Variants in FSTL5 observed in about 807,000 individuals in gnomAD.
The protein encoded by FSTL5 is follistatin-related protein 5.
Under a neutral mutation model 89.1 loss-of-function variants are expected in FSTL5, and 62 were observed. The ratio of observed to expected loss-of-function variants is 0.70; its 90% CI spans 0.57 to 0.86. The LOEUF (loss-of-function observed/expected upper bound fraction) is 0.86, where lower values mean the gene tolerates loss of function less well. FSTL5 is among the 40% of genes least tolerant of loss of function. The pLI is 0.00. For synonymous variants in FSTL5, 383 were observed against 346.2 expected, an observed-to-expected ratio of 1.11 and a Z score of -1.18; for missense variants, 1,057 against 1,001.6, an observed-to-expected ratio of 1.06 and a Z score of -0.75.
intron 6 of FSTL5, among the ~76,000 whole-genome samples, chr4:161,692,008 A>G (rs1737958807): frequency 6.6e-6 from 1 of 152,112 alleles, no homozygotes; most frequent in South Asian, 2.1e-4. Context: ...TACCTACAAA[A>G]ATACATATAT....
At chr4:162,112,775 T>TCACACACTCACACACACACA (rs1731494627) in intron 1 of FSTL5, among the ~76,000 whole-genome samples, 1 of 139,328 alleles carries the variant, frequency 7.2e-6, no homozygotes, top group African/African-American at 2.6e-5. Flanking sequence ...ACCGACACAA[T>TCACACACTCACACACACACA]CACACACACA....
chr4:161,682,892 ATG>A (rs1553957981), intron 6 of FSTL5, among the ~76,000 whole-genome samples: 5 of 151,960 alleles, frequency 3.3e-5, no homozygotes, highest in Non-Finnish European at 7.4e-5. Context: ...GATTACAGGC[ATG>A]CACCACCACA....
In FSTL5 at chr4:161,589,429, C is replaced by T. The variant is rs146123795; in HGVS notation, c.895-1854G>A. 7.3e-3 allele frequency among the ~76,000 whole-genome samples: 1,117 copies of T among 152,022 alleles called. 13 individuals are homozygous for T. The highest frequency in any genetic ancestry group is 0.025 in the African/African-American group (1,045 of 41,462). ...AACTCCTGACCTCAGGTGATCCGGC[C>T]GCCTCAGCCTCCCCAAGTGCTGAGA... On this transcript the variant is annotated intron_variant, in intron 7 of 15. Transcript: ENST00000306100.
At chr4:161,428,517 C>G (rs1732241567) in intron 15 of FSTL5, among the ~76,000 whole-genome samples, 2 of 152,340 alleles carry the variant, frequency 1.3e-5, no homozygotes, top group South Asian at 4.1e-4. Flanking sequence ...CGTCTTGTAA[C>G]TTGGATACCA....
chr4:161,992,960 ATATGTGTG>A lies in FSTL5; in HGVS notation c.160+40657_160+40664del, dbSNP rs1736179289. Among the ~76,000 whole-genome samples, 16 of 102,312 alleles carry A rather than the reference ATATGTGTG, an allele frequency of 1.6e-4. 1 individual carries two copies. Among genetic ancestry groups the A allele is most frequent in the African/African-American group, 3.8e-4 (12 of 31,248 alleles). 67.1% of individuals were successfully genotyped at this position (102,312 alleles called of 152,430 possible). A position where few individuals can be genotyped will look rare whatever the true frequency, so the allele number is the denominator to read the frequency against. The stretch of plus-strand genomic sequence containing the variant: ...TATATATGTGTGTATATCTATATAT[ATATGTGTG>A]TATATATATATATGCAAGTAGTGAC... On this transcript the variant is annotated intron_variant, in intron 3 of 15. Transcript: ENST00000306100.
At chr4:161,779,769 A>G (rs1295276863) in intron 4 of FSTL5, among the ~76,000 whole-genome samples, 303 of 24,984 alleles carry the variant, frequency 0.012, 38 homozygotes, top group Middle Eastern at 0.071. Flanking sequence ...TTATATATAT[A>G]TATATGTATA....
At chr4:161,706,579 G>T (rs1431631898) in intron 6 of FSTL5, among the ~76,000 whole-genome samples, 1 of 151,996 alleles carries the variant, frequency 6.6e-6, no homozygotes, top group Non-Finnish European at 1.5e-5. Flanking sequence ...AGTGAAAGCT[G>T]TTACAGGATA....
rs546074310 is a variant in FSTL5 at position 161,457,904 on chromosome 4, C to G, written c.1716+1308G>C. Among the ~76,000 whole-genome samples the G allele has an allele frequency of 9.2e-5, 14 of 152,260 alleles. No homozygotes were observed. In the South Asian group the frequency reaches 2.7e-3, roughly 29 times the overall value. On this transcript the variant is annotated intron_variant, in intron 14 of 15. Coordinates refer to ENST00000306100, the MANE Select transcript of FSTL5 (RefSeq NM_020116.5). ...AAGAGATTGGCTCTATCACTCCATC[C>G]TCTTGAATCTGGGCAGGCAATGTGA...
chr4:162,155,087 G>A (rs761551664), intron 1 of FSTL5, among the ~76,000 whole-genome samples: 30 of 152,168 alleles, frequency 2.0e-4, no homozygotes, highest in African/African-American at 6.5e-4. Context: ...CTTGTGTGTA[G>A]GCAGGACCTA....
intron 7 of FSTL5, among the ~76,000 whole-genome samples, chr4:161,615,177 C>G (rs1347850731): frequency 6.6e-6 from 1 of 151,462 alleles, no homozygotes; most frequent in Non-Finnish European, 1.5e-5. Flanking sequence ...GCCTGTAGTC[C>G]CAGCTACTCG....
intron 6 of FSTL5, among the ~76,000 whole-genome samples, chr4:161,748,308 T>C (rs1410720864): frequency 3.3e-5 from 5 of 152,180 alleles, no homozygotes; most frequent in Non-Finnish European, 5.9e-5. Flanking sequence ...CATGTTAAAG[T>C]ATTTTGCACA....
chr4:162,139,546 T>G (rs1236533697), intron 1 of FSTL5, among the ~76,000 whole-genome samples: 2 of 151,966 alleles, frequency 1.3e-5, no homozygotes, highest in Admixed American at 6.6e-5. Flanking sequence ...AATTTTACCT[T>G]TTTCCTGAGC....
rs529084160 is a variant in FSTL5 at position 161,619,445 on chromosome 4, AC to A, written c.895-31871del. Among the ~76,000 whole-genome samples, 1,221 of 152,340 alleles carry A rather than the reference AC, an allele frequency of 8.0e-3. 11 individuals carry two copies. The highest frequency in any genetic ancestry group is 0.027 in the African/African-American group (1,115 of 41,570). ...ATAATTTTCCCAACCTACTCATCTG[AC>A]AAAGGGCTAATATCCAGAATCTACA... On this transcript the variant is annotated intron_variant, in intron 7 of 15. Transcript: ENST00000306100.
chr4:161,866,224 A>G (rs1342825086), intron 4 of FSTL5, among the ~76,000 whole-genome samples: 2 of 152,182 alleles, frequency 1.3e-5, no homozygotes. Flanking sequence ...ACTTTCTGGA[A>G]CTTTACCAGA....
chr4:161,876,110 G>A (rs887683172), intron 4 of FSTL5, among the ~76,000 whole-genome samples: 8 of 151,992 alleles, frequency 5.3e-5, no homozygotes, highest in Non-Finnish European at 7.4e-5. Context: ...ATAAAAATAC[G>A]TATTTATCAG....
At chr4:161,570,985 G>A (rs1273312398) in intron 8 of FSTL5, among the ~76,000 whole-genome samples, 2 of 151,906 alleles carry the variant, frequency 1.3e-5, no homozygotes, top group Non-Finnish European at 2.9e-5. Flanking sequence ...GTGGTGGTGG[G>A]TGCATGTAGT....
rs533389269 is a variant in FSTL5, at chr4:161,679,099, A to G, written c.728-22605T>C. On this transcript the variant is annotated intron_variant, in intron 6 of 15. Coordinates refer to ENST00000306100, the MANE Select transcript of FSTL5 (RefSeq NM_020116.5). The stretch of plus-strand genomic sequence containing the variant: ...ATTGATGGAGAATTAGATTTTAAAG[A>G]TCTTAAGTAATTTTTCAAGATTGTA... Among the ~76,000 whole-genome samples the G allele has an allele frequency of 6.1e-4, 93 of 151,846 alleles. 1 individual carries two copies. The highest frequency in any genetic ancestry group is 2.2e-3 in the African/African-American group (92 of 41,540).
intron 2 of FSTL5, among the ~76,000 whole-genome samples, chr4:162,050,152 G>A (rs79136947): frequency 0.037 from 5,610 of 151,752 alleles, 163 homozygotes; most frequent in East Asian, 0.11. Context: ...TAAATTTTCC[G>A]CAAGTGAATA....
At chr4:161,929,914 T>C (rs947030119) in intron 3 of FSTL5, among the ~76,000 whole-genome samples, 1 of 151,756 alleles carries the variant, frequency 6.6e-6, no homozygotes, top group Non-Finnish European at 1.5e-5. Flanking sequence ...GTCTCATTTT[T>C]CCCTCAAATT....
Sources: gnomAD v4.1 joint callset for allele counts (sites outside exome capture counted in the v4.1 genomes callset) on GRCh38, gnomAD v4.1.1 for gene constraint, MANE v1.5 for transcripts, NCBI Gene and HGNC (gene_info 2026-07-23, HGNC 2026-07-21) for gene names.